RELA: variants seen among roughly 807,000 people sequenced by gnomAD.
RELA encodes the protein RELA proto-oncogene, NF-kB subunit.
Under a neutral mutation model 56.7 loss-of-function variants are expected in RELA, and 14 were observed. The observed-to-expected ratio is 0.25, with a 90% CI of 0.16 to 0.39. RELA has a LOEUF of 0.39. Among genes scored for constraint, RELA ranks in the 10% least tolerant of loss-of-function variants. RELA has a pLI of 1.00. For synonymous variants in RELA, 315 were observed against 289.7 expected (o/e 1.09, Z -0.89); for missense variants, 559 against 736.4 (o/e 0.76, Z 2.79).
rs1173252901 is a variant in RELA, at chr11:65,654,303, C to CAGAATCCGT, written c.*66_*74dup. ...TGGGGGCAGTTGGAACACACCCCAC[C>CAGAATCCGT]AGAATCCGTAAGTGCTTTTGGAGGG... On this transcript the variant is annotated 3_prime_UTR_variant, in exon 11 of 11. Transcript: ENST00000406246. 6.3e-7 allele frequency: 1 copy of CAGAATCCGT among 1,599,242 alleles called. No individual in the cohort carries two copies. Among genetic ancestry groups the CAGAATCCGT allele is most frequent in the Non-Finnish European group, 8.6e-7 (1 of 1,168,928 alleles).
chr11:65,661,137 C>T (rs1263183575), intron 4 of RELA, among the ~76,000 whole-genome samples: 3 of 152,052 alleles, frequency 2.0e-5, no homozygotes, highest in African/African-American at 4.8e-5. Context: ...TGGGCTCAGG[C>T]GATCCTCCCA....
chr11:65,661,676 A>G lies in RELA; in HGVS notation c.335+11T>C, dbSNP rs1856570468. The G allele has an allele frequency of 6.4e-7, 1 of 1,568,228 alleles. No homozygotes were observed. The highest frequency in any genetic ancestry group is 8.7e-7 in the Non-Finnish European group (1 of 1,153,676). The stretch of plus-strand genomic sequence containing the variant: ...CCTCATGCTGGGCCTCCTAGCCTGC[A>G]GGGACCTCACCTGTGGATGCAGCGG... On this transcript the variant is annotated intron_variant, in intron 4 of 10. Transcript: ENST00000406246.
chr11:65,658,206 A>T lies in RELA; in HGVS notation c.877+81T>A. ...TGACTCCAGCTTCTGGCCCTCAACC[A>T]CAGCCCCAGACATGCAGTCTTGGCC... On this transcript the variant is annotated intron_variant, in intron 8 of 10. Transcript: ENST00000406246. The surrounding 1 kb of genome is among the most constrained non-coding windows in gnomAD (Gnocchi z 4.5). 1.8e-6 allele frequency: 2 copies of T among 1,105,028 alleles called. No individual in the cohort carries two copies. The highest frequency in any genetic ancestry group is 1.3e-6 in the Non-Finnish European group (1 of 781,920). 68.5% of individuals were successfully genotyped at this position (1,105,028 alleles called of 1,614,324 possible).
chr11:65,654,146 T>G lies in RELA; in HGVS notation c.*232A>C. On this transcript the variant is annotated 3_prime_UTR_variant, in exon 11 of 11. Coordinates refer to ENST00000406246, the MANE Select transcript of RELA (RefSeq NM_021975.4). ...ATCAGGACAGGGGAAAAGTTTGAGT[T>G]TCCCCAGCTCCCCCCTTTCCAGAGA... 1 of 601,752 alleles carries G rather than the reference T, an allele frequency of 1.7e-6. No homozygotes were observed. The highest frequency in any genetic ancestry group is 3.0e-6 in the Non-Finnish European group (1 of 337,440). The allele number at this position is 601,752 out of a possible 1,614,324, so 37.3% of individuals were successfully genotyped here.
chr11:65,654,416 T>C lies in RELA; in HGVS notation c.1618A>G (p.Met540Val), dbSNP rs375525158. ...GDEDFSSIAD[M>V]DFSALLSQIS... is the part of the protein sequence containing the mutation. ...TGACTCAGCAGGGCTGAGAAGTCCATGTCCGCAATGGAGGAGAAGTCTTCA... is the reference window on the plus strand; with the variant it reads ...TGACTCAGCAGGGCTGAGAAGTCCACGTCCGCAATGGAGGAGAAGTCTTCA... The change falls in exon 11 of 11, where the codon ATG becomes GTG. Residue 540 changes from methionine to valine, a missense_variant. Physicochemically the swap from Met to Val is conservative, Grantham distance 21. Transcript: ENST00000406246. 6.8e-6 allele frequency: 11 copies of C among 1,612,064 alleles called. No individual in the cohort carries two copies. The highest frequency in any genetic ancestry group is 1.7e-5 in the Admixed American group (1 of 59,540).
At position 65,660,227 on chromosome 11, in the gene RELA, C is replaced by G. The variant is rs1323604660; in HGVS notation, c.336-12G>C. On this transcript the variant is annotated splice_polypyrimidine_tract_variant and intron_variant, in intron 4 of 10. Transcript: ENST00000406246. ...CCAGGTTCTGGAAACTGAGCGCCCC[C>G]AGTCGTCTGTCCCACTGTCTCTCAC... 7.4e-6 allele frequency: 12 copies of G among 1,613,640 alleles called. No individual in the cohort carries two copies. The highest frequency in any genetic ancestry group is 1.0e-5 in the Non-Finnish European group (12 of 1,179,680).
intron 10 of RELA, chr11:65,655,470 C>G: frequency 1.7e-6 from 1 of 593,652 alleles, no homozygotes; most frequent in African/African-American, 1.9e-5. Flanking sequence ...TTTTTAACTT[C>G]TGATTCCCAA....
chr11:65,662,163 C>T lies in RELA; in HGVS notation c.34+16G>A, dbSNP rs374518034. 1,701 of 1,589,036 alleles carry T rather than the reference C, an allele frequency of 1.1e-3. No homozygotes were observed. Among genetic ancestry groups the T allele is most frequent in the Non-Finnish European group, 1.3e-3 (1,541 of 1,172,146 alleles). The stretch of plus-strand genomic sequence containing the variant: ...CCCCAGGGAGCACCTCCCCGACCGC[C>T]GCGGGGGCCACTTACCTGCCGGGAA... On this transcript the variant is annotated intron_variant, in intron 2 of 10. Coordinates refer to ENST00000406246, the MANE Select transcript of RELA (RefSeq NM_021975.4).
chr11:65,655,198 TCCTC>T (rs1281314458), intron 10 of RELA, 198 bp from the exon 11 acceptor site: 1 of 597,640 alleles, frequency 1.7e-6, no homozygotes, highest in Admixed American at 3.1e-5. Flanking sequence ...CACCTTGGAG[TCCTC>T]CCTGACTACT....
chr11:65,662,755 G>C (rs992454113), intron 1 of RELA, 71 bp downstream of exon 1: 9 of 1,152,822 alleles, frequency 7.8e-6, no homozygotes, highest in Non-Finnish European at 9.7e-6. Flanking sequence ...GCGGAAAGCG[G>C]CGCGGGGGCT....
chr11:65,661,603 A>T, intron 4 of RELA, 84 bp downstream of exon 4: 1 of 1,340,442 alleles, frequency 7.5e-7, no homozygotes, highest in Non-Finnish European at 1.0e-6. Flanking sequence ...CCCTGGGTCC[A>T]GAAAGGAGTA....
chr11:65,661,486 C>T (rs762760501), intron 4 of RELA: 8 of 505,730 alleles, frequency 1.6e-5, no homozygotes, highest in East Asian at 1.2e-4. Flanking sequence ...GGGACCCATC[C>T]GTATCCCCTG....
chr11:65,659,617 C>T, intron 6 of RELA, 49 bp downstream of exon 6: 1 of 1,610,058 alleles, frequency 6.2e-7, no homozygotes. Context: ...CCCCCTTCCT[C>T]CTATTCAGGC....
At position 65,654,905 on chromosome 11, in the gene RELA, A is replaced by G; in HGVS notation, c.1129T>C (p.Ser377Pro). ...TGGGGAGGGGCCGGGGCCAAGGCCG[A>G]GGCCTGGCTGATCTGCCCAGAAGGA... ...VFPSGQISQA[S>P]ALAPAPPQVL... The change falls in exon 11 of 11, where the codon TCG becomes CCG. Residue 377 changes from serine to proline, a missense_variant. By Grantham distance (74) the Ser-to-Pro change is moderately conservative. Around this residue, in one of 4 missense-constraint regions of RELA, gnomAD observed 365 missense variants for 387.5 expected, o/e 0.94. Coordinates refer to ENST00000406246, the MANE Select transcript of RELA (RefSeq NM_021975.4). 5.0e-6 allele frequency: 8 copies of G among 1,593,792 alleles called. No homozygotes were observed. The highest frequency in any genetic ancestry group is 6.8e-6 in the Non-Finnish European group (8 of 1,170,402).
chr11:65,660,229 G>C lies in RELA; in HGVS notation c.336-14C>G, dbSNP rs1366701100. ...AGGTTCTGGAAACTGAGCGCCCCCA[G>C]TCGTCTGTCCCACTGTCTCTCACAG... On this transcript the variant is annotated splice_polypyrimidine_tract_variant and intron_variant, in intron 4 of 10. Coordinates refer to ENST00000406246, the MANE Select transcript of RELA (RefSeq NM_021975.4). The C allele has an allele frequency of 6.2e-7, 1 of 1,613,528 alleles. No homozygotes were observed. Among genetic ancestry groups the C allele is most frequent in the African/African-American group, 1.3e-5 (1 of 75,014 alleles).
chr11:65,662,233 C>A, intron 1 of RELA, 28 bp from the exon 2 acceptor site: 1 of 1,533,728 alleles, frequency 6.5e-7, no homozygotes, highest in Non-Finnish European at 8.7e-7. Context: ...TCAGGGTCAG[C>A]ACACACCCAA....
At position 65,658,230 on chromosome 11, in the gene RELA, CCT is replaced by C. The variant is rs956843346; in HGVS notation, c.877+55_877+56del. 15 of 1,347,236 alleles carry C rather than the reference CCT, an allele frequency of 1.1e-5. No homozygotes were observed. Among genetic ancestry groups the C allele is most frequent in the African/African-American group, 7.2e-5 (5 of 69,418 alleles). The allele number at this position is 1,347,236 out of a possible 1,614,324, so 83.5% of individuals were successfully genotyped here. ...CACAGCCCCAGACATGCAGTCTTGG[CCT>C]CTCTCTCACGGCACAGAGCCCAGCT... On this transcript the variant is annotated intron_variant, in intron 8 of 10. Transcript: ENST00000406246. The surrounding 1 kb of genome is among the most constrained non-coding windows in gnomAD (Gnocchi z 4.5).
rs944606308 is a variant in RELA, at chr11:65,655,628, T to G, written c.1033+60A>C. The G allele has an allele frequency of 2.6e-6, 4 of 1,525,818 alleles. No individual in the cohort carries two copies. In the Admixed American group the frequency reaches 5.1e-5, roughly 20 times the overall value. The allele number at this position is 1,525,818 out of a possible 1,614,324, so 94.5% of individuals were successfully genotyped here. A position where few individuals can be genotyped will look rare whatever the true frequency, so the allele number is the denominator to read the frequency against. ...GGGGCCCAGGAGTCTTCATCTCCAC[T>G]GCTCCTCAGCTGAACAGAGCTGAAC... On this transcript the variant is annotated intron_variant, in intron 10 of 10. Coordinates refer to ENST00000406246, the MANE Select transcript of RELA (RefSeq NM_021975.4).
At chr11:65,656,240 C>CT (rs1856424740) in intron 8 of RELA, among the ~76,000 whole-genome samples, 1 of 152,232 alleles carries the variant, frequency 6.6e-6, no homozygotes, top group South Asian at 2.1e-4. Flanking sequence ...TCCTGCACTG[C>CT]TCACATCCTG....
Sources: allele counts gnomAD v4.1 joint callset (sites outside exome capture counted in the v4.1 genomes callset), GRCh38; gene constraint gnomAD v4.1.1; regional missense constraint gnomAD v4.1.1; non-coding constraint Gnocchi (gnomAD v3.1); transcripts MANE v1.5; gene names NCBI Gene and HGNC (gene_info 2026-07-23, HGNC 2026-07-21).